The following RIMS1 variants were observed in gnomAD, a reference collection of about 807,000 sequenced individuals.
RIMS1 encodes the protein regulating synaptic membrane exocytosis protein 1.
Under a neutral mutation model 214.1 loss-of-function variants are expected in RIMS1, and 83 were observed. The observed-to-expected ratio is 0.39, with a 90% CI of 0.32 to 0.47. The LOEUF (loss-of-function observed/expected upper bound fraction) is 0.47, where lower values mean the gene tolerates loss of function less well. RIMS1 is among the 20% of genes least tolerant of loss of function. The probability of loss-of-function intolerance (pLI) is 0.99; values close to 1 mark genes in which losing one functional copy is unlikely to be tolerated. For missense variants in RIMS1, 2,050 were observed against 2,161.8 expected, an observed-to-expected ratio of 0.95 and a Z score of 1.03; for synonymous variants, 793 against 786.8, an observed-to-expected ratio of 1.01 and a Z score of -0.13.
chr6:72,120,123 T>A (rs2037951668), intron 4 of RIMS1, among the ~76,000 whole-genome samples: 1 of 151,918 alleles, frequency 6.6e-6, no homozygotes, highest in South Asian at 2.1e-4. Flanking sequence ...TATGTGTGCA[T>A]GTGTCTTTAT....
At chr6:72,080,395 C>G (rs1336392539) in intron 2 of RIMS1, among the ~76,000 whole-genome samples, 3 of 152,182 alleles carry the variant, frequency 2.0e-5, no homozygotes, top group Non-Finnish European at 4.4e-5. Context: ...CCTCCACTAT[C>G]AGAGCTATGG....
chr6:72,229,865 C>T (rs1341170285), intron 6 of RIMS1, among the ~76,000 whole-genome samples: 2 of 151,750 alleles, frequency 1.3e-5, no homozygotes, highest in Non-Finnish European at 1.5e-5. Flanking sequence ...ATTTAACTCA[C>T]GTATGCTGAC....
chr6:71,962,919 A>G (rs1292855235), intron 1 of RIMS1, among the ~76,000 whole-genome samples: 1 of 152,048 alleles, frequency 6.6e-6, no homozygotes, highest in East Asian at 1.9e-4. Context: ...CAGTATTGCC[A>G]TTGGTCTTAA....
intron 4 of RIMS1, among the ~76,000 whole-genome samples, chr6:72,138,910 A>T (rs966057486): frequency 2.6e-4 from 39 of 152,234 alleles, no homozygotes; most frequent in African/African-American, 8.0e-4. Flanking sequence ...CTCCATGAAC[A>T]TTTAAAAGGA....
At chr6:71,944,304 G>A (rs1183744496) in intron 1 of RIMS1, among the ~76,000 whole-genome samples, 3 of 152,194 alleles carry the variant, frequency 2.0e-5, no homozygotes, top group Non-Finnish European at 4.4e-5. Context: ...TGAGAAGATT[G>A]TTAGAAAATA....
chr6:72,394,213 T>A (rs1351779201), intron 31 of RIMS1, among the ~76,000 whole-genome samples: 6 of 152,158 alleles, frequency 3.9e-5, no homozygotes, highest in African/African-American at 1.4e-4. Context: ...ATGGGTTTGA[T>A]TTTTATGGAA....
chr6:72,211,855 G>A (rs2053866512), intron 6 of RIMS1, among the ~76,000 whole-genome samples: 1 of 125,602 alleles, frequency 8.0e-6, no homozygotes, highest in African/African-American at 3.6e-5. Context: ...GAAAATGAAT[G>A]TTTGGTGAAG....
intron 29 of RIMS1, among the ~76,000 whole-genome samples, chr6:72,339,595 C>G (rs1269948042): frequency 5.9e-5 from 9 of 151,966 alleles, no homozygotes; most frequent in African/African-American, 1.7e-4. Context: ...TCATCCATGT[C>G]CCTACAAAGG....
At chr6:72,197,020 A>G (rs1349854822) in intron 6 of RIMS1, among the ~76,000 whole-genome samples, 1 of 152,074 alleles carries the variant, frequency 6.6e-6, no homozygotes, top group African/African-American at 2.4e-5. Flanking sequence ...AAGGCCCAAG[A>G]TTTAAATCCT....
chr6:72,357,645 G>A (rs914042026), intron 29 of RIMS1, among the ~76,000 whole-genome samples: 2 of 152,108 alleles, frequency 1.3e-5, no homozygotes, highest in Admixed American at 6.5e-5. Flanking sequence ...ATACTTCCAA[G>A]CTCTTCAGTC....
At chr6:72,035,330 A>G (rs2152040851) in intron 2 of RIMS1, among the ~76,000 whole-genome samples, 1 of 152,292 alleles carries the variant, frequency 6.6e-6, no homozygotes, top group South Asian at 2.1e-4. Flanking sequence ...TTATCAGAGT[A>G]TATGTGATTA....
rs148992161 is a variant in RIMS1, at chr6:72,083,712, T to C, written c.246-13237T>C. ...TATTTATTGAGCTTTTACCATAGGC[T>C]ACACACGGTGCTAAGCACTTTACAT... On this transcript the variant is annotated intron_variant, in intron 2 of 33. Transcript: ENST00000521978. Among the ~76,000 whole-genome samples the C allele has an allele frequency of 8.9e-3, 1,360 of 152,306 alleles. 17 individuals are homozygous for C. The highest frequency in any genetic ancestry group is 0.031 in the African/African-American group (1,296 of 41,570).
intron 4 of RIMS1, among the ~76,000 whole-genome samples, chr6:72,171,286 A>G (rs1184075784): frequency 6.6e-6 from 1 of 150,498 alleles, no homozygotes; most frequent in Non-Finnish European, 1.5e-5. Flanking sequence ...GAATTTATAT[A>G]TAATACATAT....
chr6:72,275,840 A>G (rs2086107510), intron 23 of RIMS1, among the ~76,000 whole-genome samples: 1 of 152,200 alleles, frequency 6.6e-6, no homozygotes, highest in Non-Finnish European at 1.5e-5. Context: ...CCCTATCCAA[A>G]TGGCTAGGTC....
rs568810892 is a variant in RIMS1, at chr6:71,933,572, T to C, written c.165-35411T>C. Among the ~76,000 whole-genome samples the C allele has an allele frequency of 7.2e-5, 11 of 152,176 alleles. No homozygotes were observed. The South Asian group carries it at 2.3e-3, about 32-fold the overall frequency. On this transcript the variant is annotated intron_variant, in intron 1 of 33. Coordinates refer to ENST00000521978, the MANE Select transcript of RIMS1 (RefSeq NM_014989.7). ...TTTTTTATTGATACATAATTTCCCT[T>C]TGAATTTTTGAAGACCAAAATACCA...
At chr6:72,123,789 T>A (rs1455847126) in intron 4 of RIMS1, among the ~76,000 whole-genome samples, 2 of 151,866 alleles carry the variant, frequency 1.3e-5, no homozygotes, top group African/African-American at 2.4e-5. Flanking sequence ...AGACTAGGAT[T>A]GCAACCCCTG....
At chr6:72,063,355 T>C (rs766455404) in intron 2 of RIMS1, among the ~76,000 whole-genome samples, 2 of 151,928 alleles carry the variant, frequency 1.3e-5, no homozygotes, top group Non-Finnish European at 2.9e-5. Flanking sequence ...CCCAGTGAAG[T>C]AGAGGAAGGG....
intron 28 of RIMS1, among the ~76,000 whole-genome samples, chr6:72,323,261 A>G (rs2096269633): frequency 6.6e-6 from 1 of 152,046 alleles, no homozygotes; most frequent in Non-Finnish European, 1.5e-5. Context: ...ACAGTTTTAC[A>G]TCTGATTAAA....
chr6:72,287,660 A>G (rs1171241583), intron 24 of RIMS1, among the ~76,000 whole-genome samples: 1 of 150,044 alleles, frequency 6.7e-6, no homozygotes. Context: ...TGGTCACACG[A>G]TGTTGGCTCA....
Sources: allele counts gnomAD v4.1 joint callset (sites outside exome capture counted in the v4.1 genomes callset), GRCh38; gene constraint gnomAD v4.1.1; transcripts MANE v1.5; gene names NCBI Gene and HGNC (gene_info 2026-07-23, HGNC 2026-07-21).